The following CHD9 variants were observed in gnomAD, a reference collection of about 807,000 sequenced individuals.
CHD9 encodes chromodomain helicase DNA binding protein 9, also known as ATP-dependent chromatin remodeler CHD9.
In CHD9, 77 loss-of-function variants were observed where a neutral mutation model predicts 316.1. The ratio of observed to expected loss-of-function variants is 0.24; its 90% CI spans 0.20 to 0.29. CHD9 has a LOEUF of 0.29. Ranked by LOEUF, CHD9 falls within the 10% of genes least tolerant of loss-of-function variation. The probability of loss-of-function intolerance (pLI) is 1.00; values close to 1 mark genes in which losing one functional copy is unlikely to be tolerated. For missense variants in CHD9, 2,763 were observed against 3,438.1 expected (o/e 0.80, Z 4.91); for synonymous variants, 1,129 against 1,158.3 (o/e 0.97, Z 0.51).
intron 2 of CHD9, among the ~76,000 whole-genome samples, chr16:53,183,642 A>C (rs1239047052): frequency 6.6e-6 from 1 of 152,184 alleles, no homozygotes; most frequent in Non-Finnish European, 1.5e-5. Context: ...TGCCGAGTAC[A>C]GTGACTCATG....
intron 3 of CHD9, 91 bp from the exon 4 acceptor site, chr16:53,222,553 T>G: frequency 7.7e-6 from 5 of 649,040 alleles, no homozygotes; most frequent in South Asian, 1.9e-5. Context: ...TGATATAAAG[T>G]GGAAGAAAGT....
chr16:53,287,588 G>A (rs1468817770), intron 26 of CHD9, among the ~76,000 whole-genome samples: 1 of 152,186 alleles, frequency 6.6e-6, no homozygotes, highest in Non-Finnish European at 1.5e-5. Context: ...TTAGCCAGGT[G>A]TGGTGGCATG....
At chr16:53,055,979 G>A (rs2032057448) in intron 1 of CHD9, among the ~76,000 whole-genome samples, 1 of 152,060 alleles carries the variant, frequency 6.6e-6, no homozygotes, top group Non-Finnish European at 1.5e-5. Context: ...TAGCTGATTA[G>A]GCAGTGAGAG....
At chr16:53,255,338 A>C (rs1045527157) in intron 18 of CHD9, among the ~76,000 whole-genome samples, 4 of 152,158 alleles carry the variant, frequency 2.6e-5, no homozygotes, top group African/African-American at 9.6e-5. Flanking sequence ...AATAAAGAAA[A>C]GAACCTTGAA....
rs979576369 is a variant in CHD9, at chr16:53,249,785, C to A, written c.3666-86C>A. ...TAATTTTAGAGAAAACATAATGCTG[C>A]AGGAAAACTGACTTTACATTTGATA... On this transcript the variant is annotated intron_variant, in intron 16 of 38. Coordinates refer to ENST00000447540, the MANE Select transcript of CHD9 (RefSeq NM_001308319.2). 3 of 1,044,112 alleles carry A rather than the reference C, an allele frequency of 2.9e-6. No individual in the cohort carries two copies. In the African/African-American group the frequency reaches 4.8e-5, roughly 17 times the overall value. 64.7% of individuals were successfully genotyped at this position (1,044,112 alleles called of 1,614,324 possible).
At chr16:53,284,312 T>G (rs1277898502) in intron 24 of CHD9, among the ~76,000 whole-genome samples, 4 of 151,844 alleles carry the variant, frequency 2.6e-5, no homozygotes, top group Non-Finnish European at 5.9e-5. Flanking sequence ...TCCTGTTCAA[T>G]CTCTATCCAT....
chr16:53,206,667 A>G (rs537149989), intron 2 of CHD9, among the ~76,000 whole-genome samples: 1 of 152,260 alleles, frequency 6.6e-6, no homozygotes, highest in South Asian at 2.1e-4. Context: ...GAGTCAATAT[A>G]TAGGAAATAT....
At chr16:53,173,763 C>G (rs1157171832) in intron 2 of CHD9, among the ~76,000 whole-genome samples, 1 of 151,940 alleles carries the variant, frequency 6.6e-6, no homozygotes, top group African/African-American at 2.4e-5. Context: ...CCAGGATGGT[C>G]TCGATCTCCT....
intron 1 of CHD9, among the ~76,000 whole-genome samples, chr16:53,081,964 T>C (rs1387444992): frequency 1.3e-5 from 2 of 152,162 alleles, no homozygotes. Flanking sequence ...CTACTCTGCC[T>C]ACCTCACCAG....
In CHD9 at chr16:53,167,288, G is replaced by A. The variant is rs189078667; in HGVS notation, c.1452+9747G>A. On this transcript the variant is annotated intron_variant, in intron 2 of 38. Transcript: ENST00000447540. ...GTATAAATTGTATATACATGTGAAT[G>A]AATTTTAAATAACATCTGTGTTTTA... Among the ~76,000 whole-genome samples, 5 of 152,246 alleles carry A rather than the reference G, an allele frequency of 3.3e-5. No individual in the cohort carries two copies. The East Asian group carries it at 7.7e-4, about 24-fold the overall frequency.
intron 1 of CHD9, among the ~76,000 whole-genome samples, chr16:53,137,261 C>T (rs1035470644): frequency 3.3e-5 from 5 of 152,122 alleles, no homozygotes; most frequent in African/African-American, 1.2e-4. Context: ...TGTGAGCCAC[C>T]GTGCCTGGCC....
chr16:53,304,693 CT>C (rs376929117), intron 31 of CHD9, 68 bp downstream of exon 31: 120,773 of 749,420 alleles, frequency 0.16, 191 homozygotes, highest in African/African-American at 0.2. Context: ...CTTTTCTTTT[CT>C]TTTTTTTTTT....
chr16:53,140,598 ATTTG>A (rs1168168682), intron 1 of CHD9, among the ~76,000 whole-genome samples: 6 of 152,000 alleles, frequency 3.9e-5, no homozygotes, highest in Non-Finnish European at 8.8e-5. Flanking sequence ...ATGAGATTGT[ATTTG>A]TTTGAGACAG....
intron 17 of CHD9, among the ~76,000 whole-genome samples, chr16:53,252,348 C>T (rs1306284616): frequency 1.3e-5 from 2 of 152,150 alleles, no homozygotes; most frequent in African/African-American, 4.8e-5. Flanking sequence ...TGGCAAGCCA[C>T]ATGTTAGAGA....
chr16:53,312,379 G>A (rs2056540942), intron 34 of CHD9, among the ~76,000 whole-genome samples: 1 of 152,128 alleles, frequency 6.6e-6, no homozygotes, highest in South Asian at 2.1e-4. Context: ...TTGCTTTCTG[G>A]AAACTTAGCC....
Position 53,266,379 on chromosome 16 carries a change from T to C in CHD9, c.4321-915T>C, listed in dbSNP as rs2051696665. ...TGGTCCCTGCCTTCTCTCCTACCAT[T>C]TGTCCTCTCCTGCTCTAGGACATAA... On this transcript the variant is annotated intron_variant, in intron 20 of 38. Transcript: ENST00000447540. 2.0e-5 allele frequency among the ~76,000 whole-genome samples: 3 copies of C among 152,280 alleles called. No homozygotes were observed. In the South Asian group the frequency reaches 6.2e-4, roughly 32 times the overall value.
intron 3 of CHD9, among the ~76,000 whole-genome samples, chr16:53,219,197 G>C (rs142807730): frequency 1.3e-5 from 2 of 152,114 alleles, no homozygotes; most frequent in Non-Finnish European, 2.9e-5. Flanking sequence ...TGCACTGATA[G>C]GGTTACGGAA....
intron 29 of CHD9, among the ~76,000 whole-genome samples, chr16:53,295,464 A>T (rs1159612878): frequency 2.0e-5 from 3 of 152,088 alleles, no homozygotes; most frequent in Admixed American, 2.0e-4. Context: ...AGCTCACAGT[A>T]TTCTATTTTT....
chr16:53,315,185 A>T, intron 36 of CHD9, 141 bp downstream of exon 36: 1 of 631,134 alleles, frequency 1.6e-6, no homozygotes. Flanking sequence ...AAAAATAATT[A>T]CCATCCTTCC....
Sources: gnomAD v4.1 joint callset for allele counts (sites outside exome capture counted in the v4.1 genomes callset) on GRCh38, gnomAD v4.1.1 for gene constraint, MANE v1.5 for transcripts, NCBI Gene and HGNC (gene_info 2026-07-23, HGNC 2026-07-21) for gene names.